The following C19orf47 variants were observed in gnomAD, a reference collection of about 807,000 sequenced individuals.
C19orf47 encodes the protein chromosome 19 open reading frame 47.
C19orf47 carries 18 observed loss-of-function variants against 32.3 expected under a neutral mutation model. The observed-to-expected ratio is 0.56, with a 90% CI of 0.39 to 0.83. C19orf47 has a LOEUF of 0.83. Ranked by LOEUF, C19orf47 falls within the 40% of genes least tolerant of loss-of-function variation. C19orf47 has a pLI of 0.00. For synonymous variants in C19orf47, 202 were observed against 211.1 expected (o/e 0.96, Z 0.37); for missense variants, 484 against 531.6 (o/e 0.91, Z 0.88).
the C19orf47 span, among the ~76,000 whole-genome samples, chr19:40,294,556 A>T: frequency 6.6e-6 from 1 of 152,162 alleles, no homozygotes; most frequent in East Asian, 1.9e-4. Flanking sequence ...GGGCAAGAAC[A>T]CAGGCCTCAA....
chr19:40,318,184 GC>G (rs1568598549), downstream of C19orf47, among the ~76,000 whole-genome samples: 1 of 152,140 alleles, frequency 6.6e-6, no homozygotes, highest in Admixed American at 6.6e-5. Flanking sequence ...AAGAGTTCGA[GC>G]CCAGCATAGG....
chr19:40,332,125 A>T (rs2077966690), intron 5 of C19orf47, among the ~76,000 whole-genome samples: 1 of 151,974 alleles, frequency 6.6e-6, no homozygotes, highest in African/African-American at 2.4e-5. Flanking sequence ...TGGGAGGCTG[A>T]GGCAGGTGGA....
At chr19:40,316,100 T>C (rs1180122508), downstream of C19orf47, among the ~76,000 whole-genome samples, 1 of 152,130 alleles carries the variant, frequency 6.6e-6, no homozygotes, top group African/African-American at 2.4e-5. Context: ...AAGTTGGGTC[T>C]ATAGTTGCAG....
chr19:40,323,981 G>A (rs775313438), intron 8 of C19orf47, 25 bp downstream of exon 8: 2 of 1,613,794 alleles, frequency 1.2e-6, no homozygotes, highest in Non-Finnish European at 1.7e-6. Flanking sequence ...CGCACGCCCA[G>A]AATCGCTCCC....
At chr19:40,313,690 G>T in the C19orf47 span, among the ~76,000 whole-genome samples, 8 of 152,166 alleles carry the variant, frequency 5.3e-5, no homozygotes, top group South Asian at 1.7e-3. Flanking sequence ...TTTCTAAAAG[G>T]GAGTTGTCAC....
chr19:40,344,340 A>T (rs12609706), intron 1 of C19orf47, among the ~76,000 whole-genome samples: 1 of 151,152 alleles, frequency 6.6e-6, no homozygotes, highest in Non-Finnish European at 1.5e-5. Context: ...TTAGTCGGGC[A>T]TGGTGGTGGG....
chr19:40,310,722 G>C, the C19orf47 span, among the ~76,000 whole-genome samples: 1 of 152,138 alleles, frequency 6.6e-6, no homozygotes, highest in Non-Finnish European at 1.5e-5. Context: ...AAAACTATTA[G>C]ATATGTAACC....
At chr19:40,309,248 G>A in the C19orf47 span, among the ~76,000 whole-genome samples, 1 of 148,662 alleles carries the variant, frequency 6.7e-6, no homozygotes, top group Non-Finnish European at 1.5e-5. Context: ...CTGGTGTACA[G>A]TGGCTCGGTC....
At position 40,320,823 on chromosome 19, in the gene C19orf47, G is replaced by A. The variant is rs562758755; in HGVS notation, c.*1059C>T. On this transcript the variant is annotated 3_prime_UTR_variant, in exon 9 of 9. Transcript: ENST00000683109. ...GCCAGCAGGCAGGTGAAATCCATGG[G>A]GGGAGGGGATAGAGTGACAAAACCA... 4 of 152,532 alleles carry A rather than the reference G, an allele frequency of 2.6e-5. No individual in the cohort carries two copies. The highest frequency in any genetic ancestry group is 9.6e-5 in the African/African-American group (4 of 41,576). The allele number at this position is 152,532 out of a possible 1,614,324, so 9.4% of individuals were successfully genotyped here. A position where few individuals can be genotyped will look rare whatever the true frequency, so the allele number is the denominator to read the frequency against.
At chr19:40,299,838 C>T in the C19orf47 span, among the ~76,000 whole-genome samples, 3 of 151,744 alleles carry the variant, frequency 2.0e-5, no homozygotes, top group African/African-American at 4.8e-5. Context: ...CCAGCCTGGC[C>T]GACATGGCGA....
At chr19:40,326,791 G>C (rs773862826) in intron 6 of C19orf47, among the ~76,000 whole-genome samples, 13 of 152,126 alleles carry the variant, frequency 8.5e-5, no homozygotes, top group Non-Finnish European at 1.9e-4. Context: ...GAACCTGCTG[G>C]GTGGTGGAAA....
At chr19:40,298,476 T>C in the C19orf47 span, among the ~76,000 whole-genome samples, 1 of 152,228 alleles carries the variant, frequency 6.6e-6, no homozygotes, top group Non-Finnish European at 1.5e-5. Context: ...GACACAAGTT[T>C]ATTTACCTTT....
At chr19:40,322,920 CG>C (rs1165695642) in intron 8 of C19orf47, among the ~76,000 whole-genome samples, 1 of 152,170 alleles carries the variant, frequency 6.6e-6, no homozygotes, top group Non-Finnish European at 1.5e-5. Flanking sequence ...GCATTCTAGA[CG>C]GAGAAGGACA....
At chr19:40,327,007 C>CTTTTTTT (rs763036518) in intron 6 of C19orf47, among the ~76,000 whole-genome samples, 2 of 122,798 alleles carry the variant, frequency 1.6e-5, no homozygotes, top group Non-Finnish European at 3.4e-5. Flanking sequence ...CTGATTTTAA[C>CTTTTTTT]TTTTTTTTTT....
intron 1 of C19orf47, among the ~76,000 whole-genome samples, chr19:40,347,893 T>C (rs959529504): frequency 6.6e-6 from 1 of 152,108 alleles, no homozygotes; most frequent in Non-Finnish European, 1.5e-5. Flanking sequence ...CCCTATGATA[T>C]TGGGACTATC....
the C19orf47 span, among the ~76,000 whole-genome samples, chr19:40,293,530 A>T: frequency 6.6e-6 from 1 of 150,896 alleles, no homozygotes; most frequent in Admixed American, 6.6e-5. Context: ...CAATGATGCG[A>T]TCTTGGCTCA....
At chr19:40,316,417 C>T (rs191868923), downstream of C19orf47, among the ~76,000 whole-genome samples, 4 of 152,216 alleles carry the variant, frequency 2.6e-5, no homozygotes, top group African/African-American at 7.2e-5. Context: ...GCCCTGGGCT[C>T]GCTGCACCAC....
At chr19:40,302,137 G>C in the C19orf47 span, among the ~76,000 whole-genome samples, 3 of 152,168 alleles carry the variant, frequency 2.0e-5, no homozygotes, top group Non-Finnish European at 4.4e-5. Flanking sequence ...CTCCAGCCTA[G>C]GCGACAGAAC....
chr19:40,304,725 T>C, the C19orf47 span, among the ~76,000 whole-genome samples: 3 of 152,256 alleles, frequency 2.0e-5, no homozygotes, highest in South Asian at 6.2e-4. Context: ...AATGAGTTTT[T>C]TTCTACTGTT....
Sources: gnomAD v4.1 joint callset for allele counts (sites outside exome capture counted in the v4.1 genomes callset) on GRCh38, gnomAD v4.1.1 for gene constraint, MANE v1.5 for transcripts, NCBI Gene and HGNC (gene_info 2026-07-23, HGNC 2026-07-21) for gene names.